SMG1: variants seen among roughly 807,000 people sequenced by gnomAD.
SMG1 encodes the protein SMG1 nonsense mediated mRNA decay associated PI3K related kinase, also known as serine/threonine-protein kinase SMG1.
In SMG1, 22 loss-of-function variants were observed where a neutral mutation model predicts 419.9. The ratio of observed to expected loss-of-function variants is 0.05; its 90% CI spans 0.04 to 0.07. The LOEUF is 0.07. Ranked by LOEUF, SMG1 falls within the 10% of genes least tolerant of loss-of-function variation. The pLI, the probability that SMG1 is intolerant of heterozygous loss-of-function variation, is 1.00. For missense variants in SMG1, 3,185 were observed against 4,342.0 expected (o/e 0.73, Z 7.49); for synonymous variants, 1,538 against 1,553.5 (o/e 0.99, Z 0.23).
rs1376852744 is a variant in SMG1 at position 18,809,641 on chromosome 16, G to A, written c.10914C>T (p.Asp3638=). 2.5e-6 allele frequency: 4 copies of A among 1,601,292 alleles called. No individual in the cohort carries two copies. Among genetic ancestry groups the A allele is most frequent in the Middle Eastern group, 1.7e-4 (1 of 6,046 alleles). ...GATTAGTTGCTTCCTTAATGACATAGTCAACCTGTAAAAATAGGCAGGATA... is the reference window on the plus strand; with the variant it reads ...GATTAGTTGCTTCCTTAATGACATAATCAACCTGTAAAAATAGGCAGGATA... ...NRRMSVAEQV[D]YVIKEATNLD... The change falls in exon 63 of 63, where the codon GAC becomes GAT. Residue 3638 remains aspartate, a synonymous_variant. Transcript: ENST00000446231.
In SMG1 at chr16:18,838,545, T is replaced by C; in HGVS notation, c.7084+6A>G. On this transcript the variant is annotated splice_donor_region_variant and intron_variant, in intron 43 of 62. Coordinates refer to ENST00000446231, the MANE Select transcript of SMG1 (RefSeq NM_015092.5). The stretch of plus-strand genomic sequence containing the variant: ...CTCATAAATGTAAAGTCTACTTTTA[T>C]ATTACCTTTTTCAAAGCAAACATTG... 1.9e-6 allele frequency: 3 copies of C among 1,613,838 alleles called. No homozygotes were observed. Among genetic ancestry groups the C allele is most frequent in the Non-Finnish European group, 2.5e-6 (3 of 1,179,702 alleles).
chr16:18,838,928 A>C (rs2033747974), intron 42 of SMG1, among the ~76,000 whole-genome samples: 1 of 152,072 alleles, frequency 6.6e-6, no homozygotes, highest in South Asian at 2.1e-4. Flanking sequence ...AAAAAACACA[A>C]ACAAACAAAC....
chr16:18,852,609 A>G, intron 31 of SMG1, 147 bp from the exon 32 acceptor site: 1 of 615,214 alleles, frequency 1.6e-6, no homozygotes, highest in Non-Finnish European at 2.6e-6. Flanking sequence ...TAACTTGAGA[A>G]GGCACAAATA....
chr16:18,850,004 C>A lies in SMG1; in HGVS notation c.5406G>T (p.Glu1802Asp). The A allele has an allele frequency of 6.2e-7, 1 of 1,613,998 alleles. No homozygotes were observed. ...LLRLLVKHAGELRQYLEHGLE... is the reference protein window; with the variant it reads ...LLRLLVKHAGDLRQYLEHGLE... ...AGCCGTGCTCCAGATACTGCCGAAG[C>A]TCACCAGCATGCTTCACGAGCAACC... is the stretch of plus-strand genomic sequence containing the variant. Residue 1802 changes from glutamate to aspartate, a missense_variant, in exon 35 of 63, where the codon GAG becomes GAT. Physicochemically the swap from Glu to Asp is conservative, Grantham distance 45. Around this residue, in one of 27 missense-constraint regions of SMG1, gnomAD observed 493 missense variants for 552.9 expected, o/e 0.89. Transcript: ENST00000446231.
At chr16:18,876,001 T>C (rs1421115751) in intron 13 of SMG1, 123 bp downstream of exon 13, 3 of 1,024,200 alleles carry the variant, frequency 2.9e-6, no homozygotes, top group African/African-American at 3.2e-5. Flanking sequence ...ATGTCTTAAA[T>C]ATGGCTGTTT....
intron 36 of SMG1, 125 bp downstream of exon 36, chr16:18,849,092 A>C (rs1227291637): frequency 3.3e-5 from 7 of 209,628 alleles, no homozygotes; most frequent in Non-Finnish European, 6.1e-5. Context: ...AAAAAAAAAA[A>C]AAAAAAAAAA....
At chr16:18,903,631 C>A (rs1261787201) in intron 1 of SMG1, among the ~76,000 whole-genome samples, 1 of 152,218 alleles carries the variant, frequency 6.6e-6, no homozygotes, top group East Asian at 1.9e-4. Context: ...TTTATCATGT[C>A]ATTTCATGTT....
chr16:18,830,031 C>A lies in SMG1; in HGVS notation c.9028G>T (p.Asp3010Tyr), dbSNP rs777089053. The change falls in exon 53 of 63, where the codon GAT becomes TAT. Residue 3010 changes from aspartate (D) to tyrosine (Y), a missense_variant. Transcript: ENST00000446231. Reference protein sequence around the residue: ...ARSTQVNFFDDDNHRQVLEEI... With the variant: ...ARSTQVNFFDYDNHRQVLEEI... The stretch of plus-strand genomic sequence containing the variant: ...TCTAGCACCTGCCGGTGATTATCAT[C>A]ATCAAAAAAATTAACTTGAGTACTC... 6.3e-7 allele frequency: 1 copy of A among 1,598,462 alleles called. No individual in the cohort carries two copies. The highest frequency in any genetic ancestry group is 8.5e-7 in the Non-Finnish European group (1 of 1,171,584).
intron 13 of SMG1, among the ~76,000 whole-genome samples, chr16:18,873,432 G>A (rs540278998): frequency 6.6e-6 from 1 of 152,262 alleles, no homozygotes; most frequent in African/African-American, 2.4e-5. Flanking sequence ...ATGTTGGCCA[G>A]GCTGGTCTTG....
chr16:18,843,417 A>G (rs1198306553), intron 39 of SMG1, among the ~76,000 whole-genome samples: 2 of 152,238 alleles, frequency 1.3e-5, no homozygotes, highest in Non-Finnish European at 2.9e-5. Flanking sequence ...GACTGTATGT[A>G]CAGTTGTGTT....
chr16:18,879,891 G>GT (rs2036308135), intron 10 of SMG1, among the ~76,000 whole-genome samples, 172 bp from the exon 11 acceptor site: 1 of 152,178 alleles, frequency 6.6e-6, no homozygotes, highest in African/African-American at 2.4e-5. Flanking sequence ...CTTTAGTACA[G>GT]TATGTAAACA....
At chr16:18,856,189 G>A (rs542739154) in intron 29 of SMG1, 3 of 152,228 alleles carry the variant, frequency 2.0e-5, no homozygotes, top group South Asian at 4.2e-4. Flanking sequence ...TTGAGACCGG[G>A]TGTCACTCTG....
At position 18,926,277 on chromosome 16, in the gene SMG1, G is replaced by T. The variant is rs1005739294; in HGVS notation, c.-236C>A. On this transcript the variant is annotated 5_prime_UTR_variant, in exon 1 of 63. Coordinates refer to ENST00000446231, the MANE Select transcript of SMG1 (RefSeq NM_015092.5). Reference sequence around the variant, plus strand: ...GACGAGGAGGCGGGAGCGGCGCGGTGAGAGAGAGGCGGATGAAGGGGAGGC... The same window carrying T: ...GACGAGGAGGCGGGAGCGGCGCGGTTAGAGAGAGGCGGATGAAGGGGAGGC... The T allele has an allele frequency of 4.2e-5, 22 of 523,442 alleles. No individual in the cohort carries two copies. The highest frequency in any genetic ancestry group is 4.3e-5 in the Non-Finnish European group (13 of 299,642). The allele number at this position is 523,442 out of a possible 1,614,324, so 32.4% of individuals were successfully genotyped here.
In SMG1 at chr16:18,837,401, G is replaced by A. The variant is rs1161015280; in HGVS notation, c.7456C>T (p.Pro2486Ser). 1.2e-6 allele frequency: 2 copies of A among 1,613,762 alleles called. No homozygotes were observed. Among genetic ancestry groups the A allele is most frequent in the Non-Finnish European group, 8.5e-7 (1 of 1,179,862 alleles). Residue 2486 changes from proline to serine, a missense_variant, in exon 46 of 63, where the codon CCC becomes TCC. Physicochemically the swap from Pro to Ser is moderately conservative, Grantham distance 74 (BLOSUM62 -1). Transcript: ENST00000446231. ...TCATCTAAGCTACCGTCCAACTTGG[G>A]AAGCACAACCAGCATCTCATCTCTA... ...KNRDEMLVVL[P>S]KLDGSLDEYL...
chr16:18,850,052 C>T lies in SMG1; in HGVS notation c.5358G>A (p.Val1786=), dbSNP rs762039471. 1 of 1,614,004 alleles carries T rather than the reference C, an allele frequency of 6.2e-7. No individual in the cohort carries two copies. The highest frequency in any genetic ancestry group is 2.2e-5 in the East Asian group (1 of 44,878). ...ACCGCAGCAGGCGCAATGTGGCCATCACAATCATGTCATCAGTGCTCTGTT... is the reference window on the plus strand; with the variant it reads ...ACCGCAGCAGGCGCAATGTGGCCATTACAATCATGTCATCAGTGCTCTGTT... ...RVEQSTDDMI[V]MATLRLLRLL... Residue 1786 remains valine (V), a synonymous_variant, in exon 35 of 63, where the codon GTG becomes GTA. Transcript: ENST00000446231.
At chr16:18,915,000 T>C (rs1428665686) in intron 1 of SMG1, among the ~76,000 whole-genome samples, 1 of 147,654 alleles carries the variant, frequency 6.8e-6, no homozygotes, top group Non-Finnish European at 1.5e-5. Context: ...CAGGCTGGAG[T>C]GCAATGGCAT....
At chr16:18,847,420 T>C (rs747643270) in intron 38 of SMG1, 33 bp downstream of exon 38, 4 of 1,606,330 alleles carry the variant, frequency 2.5e-6, no homozygotes, top group Admixed American at 1.7e-5. Context: ...AGTGGCAGCT[T>C]CACTGTCTCA....
chr16:18,835,915 T>G lies in SMG1; in HGVS notation c.8057+18A>C. The G allele has an allele frequency of 1.3e-6, 2 of 1,546,956 alleles. No homozygotes were observed. Among genetic ancestry groups the G allele is most frequent in the South Asian group, 1.2e-5 (1 of 83,982 alleles). On this transcript the variant is annotated intron_variant, in intron 48 of 62. Transcript: ENST00000446231. ...CTCCGTCTCAAAAATAAAAGAAAATTAAGCACTATCAACTTACTTCCTATA... is the reference window on the plus strand; with the variant it reads ...CTCCGTCTCAAAAATAAAAGAAAATGAAGCACTATCAACTTACTTCCTATA...
At position 18,830,333 on chromosome 16, in the gene SMG1, C is replaced by T. The variant is rs760495007; in HGVS notation, c.8829G>A (p.Pro2943=). The T allele has an allele frequency of 6.8e-6, 11 of 1,613,786 alleles. No homozygotes were observed. Among genetic ancestry groups the T allele is most frequent in the South Asian group, 5.5e-5 (5 of 91,084 alleles). ...GTGTTTCATCAACTGAACCATTTCT[C>T]GGTTGGATTAATTCACCGTACTGAG... ...LHAQYGELIQ[P]RNGSVDETPK... The change falls in exon 52 of 63, where the codon CCG becomes CCA. Residue 2943 remains proline (P), a synonymous_variant. Transcript: ENST00000446231.
Sources: gnomAD v4.1 joint callset for allele counts (sites outside exome capture counted in the v4.1 genomes callset) on GRCh38, gnomAD v4.1.1 for gene constraint, gnomAD v4.1.1 regional missense constraint, MANE v1.5 for transcripts, NCBI Gene and HGNC (gene_info 2026-07-23, HGNC 2026-07-21) for gene names.